Variants in CNTNAP2 observed in about 807,000 individuals in gnomAD.
The protein encoded by CNTNAP2 is contactin associated protein 2, also known as contactin-associated protein-like 2.
A neutral mutation model predicts 155.2 loss-of-function variants in CNTNAP2; 98 were observed. The ratio of observed to expected loss-of-function variants is 0.63; its 90% CI spans 0.54 to 0.75. The LOEUF is 0.75. Among genes scored for constraint, CNTNAP2 ranks in the 30% least tolerant of loss-of-function variants. The pLI is 0.00. For synonymous variants in CNTNAP2, 651 were observed against 631.2 expected (o/e 1.03, Z -0.47); for missense variants, 1,727 against 1,688.1 (o/e 1.02, Z -0.40).
At chr7:148,270,737 T>G (rs942456381) in intron 21 of CNTNAP2, among the ~76,000 whole-genome samples, 1 of 152,206 alleles carries the variant, frequency 6.6e-6, no homozygotes, top group African/African-American at 2.4e-5. Flanking sequence ...AGCCTAAAAG[T>G]AGGCATCTGA....
intron 8 of CNTNAP2, among the ~76,000 whole-genome samples, chr7:147,202,714 G>A (rs1471513576): frequency 5.9e-5 from 9 of 151,868 alleles, no homozygotes; most frequent in South Asian, 2.1e-4. Context: ...ACCAAACACC[G>A]CATGTTCTCA....
At chr7:147,251,559 C>T (rs949835113) in intron 8 of CNTNAP2, among the ~76,000 whole-genome samples, 2 of 152,128 alleles carry the variant, frequency 1.3e-5, no homozygotes, top group African/African-American at 4.8e-5. Flanking sequence ...AAGAGAATTA[C>T]CTCCTCTGGA....
In CNTNAP2 at chr7:146,767,871, A is replaced by T. The variant is rs374400987; in HGVS notation, c.98-6400A>T. Among the ~76,000 whole-genome samples, 90 of 152,278 alleles carry T rather than the reference A, an allele frequency of 5.9e-4. 2 individuals are homozygous for T. The South Asian group carries it at 0.018, about 30-fold the overall frequency. Reference sequence around the variant, plus strand: ...ACTGTGGGTAAGACAGGATTAAACAAGCTGCCCCAATTTATGTTGCTAGGA... The same window carrying T: ...ACTGTGGGTAAGACAGGATTAAACATGCTGCCCCAATTTATGTTGCTAGGA... On this transcript the variant is annotated intron_variant, in intron 1 of 23. Coordinates refer to ENST00000361727, the MANE Select transcript of CNTNAP2 (RefSeq NM_014141.6).
At chr7:147,893,874 G>A (rs900495131) in intron 13 of CNTNAP2, among the ~76,000 whole-genome samples, 1 of 152,224 alleles carries the variant, frequency 6.6e-6, no homozygotes, top group East Asian at 1.9e-4. Flanking sequence ...AGAACTTTAG[G>A]ACTAGTAGCC....
At chr7:147,775,694 C>T (rs536594251) in intron 13 of CNTNAP2, among the ~76,000 whole-genome samples, 1 of 151,838 alleles carries the variant, frequency 6.6e-6, no homozygotes, top group South Asian at 2.1e-4. Context: ...TATTATGAGC[C>T]TAGGCTGAAT....
At chr7:146,433,615 A>G (rs1228089773) in intron 1 of CNTNAP2, among the ~76,000 whole-genome samples, 2 of 152,146 alleles carry the variant, frequency 1.3e-5, no homozygotes, top group Non-Finnish European at 2.9e-5. Flanking sequence ...TAGTGGAGGA[A>G]TGTGGAAGAT....
chr7:147,940,830 T>A (rs1194286839), intron 14 of CNTNAP2, among the ~76,000 whole-genome samples: 2 of 152,210 alleles, frequency 1.3e-5, no homozygotes, highest in Admixed American at 1.3e-4. Context: ...TAAGCCATCA[T>A]AACCGGTCCA....
chr7:147,042,114 A>G (rs1005490863), intron 3 of CNTNAP2, among the ~76,000 whole-genome samples: 5 of 152,192 alleles, frequency 3.3e-5, no homozygotes, highest in Admixed American at 6.5e-5. Flanking sequence ...AGGATGCTCT[A>G]TTAAGTGTTA....
At chr7:147,645,793 G>T (rs1188029795) in intron 13 of CNTNAP2, among the ~76,000 whole-genome samples, 2 of 151,972 alleles carry the variant, frequency 1.3e-5, no homozygotes, top group Admixed American at 6.6e-5. Context: ...AATGAGAGAA[G>T]GATTCTGGGT....
At position 146,831,866 on chromosome 7, in the gene CNTNAP2, T is replaced by C. The variant is rs569629482; in HGVS notation, c.209-7845T>C. 3.7e-4 allele frequency among the ~76,000 whole-genome samples: 56 copies of C among 152,174 alleles called. 1 individual carries two copies. Among genetic ancestry groups the C allele is most frequent in the African/African-American group, 1.3e-3 (52 of 41,524 alleles). ...TTTCCTGTCATTAAATAATATCTGATAGTATTATATCTTCTTTCTTCTGTT... is the reference window on the plus strand; with the variant it reads ...TTTCCTGTCATTAAATAATATCTGACAGTATTATATCTTCTTTCTTCTGTT... On this transcript the variant is annotated intron_variant, in intron 2 of 23. Coordinates refer to ENST00000361727, the MANE Select transcript of CNTNAP2 (RefSeq NM_014141.6).
chr7:148,380,634 CT>C (rs59371773), intron 21 of CNTNAP2, among the ~76,000 whole-genome samples: 13 of 149,394 alleles, frequency 8.7e-5, no homozygotes, highest in East Asian at 3.9e-4. Context: ...TATTTGACTT[CT>C]TTTTTTTTTA....
At chr7:146,307,211 A>G (rs1029889229) in intron 1 of CNTNAP2, among the ~76,000 whole-genome samples, 2 of 152,192 alleles carry the variant, frequency 1.3e-5, no homozygotes, top group Admixed American at 1.3e-4. Flanking sequence ...CCAAATCATG[A>G]GTGAACTCCC....
chr7:146,769,639 A>T (rs774780135), intron 1 of CNTNAP2, among the ~76,000 whole-genome samples: 4 of 152,138 alleles, frequency 2.6e-5, no homozygotes, highest in Non-Finnish European at 5.9e-5. Context: ...CTATTCATTA[A>T]TTATATGGCA....
At chr7:147,778,357 A>G (rs1797618721) in intron 13 of CNTNAP2, among the ~76,000 whole-genome samples, 1 of 152,246 alleles carries the variant, frequency 6.6e-6, no homozygotes, top group African/African-American at 2.4e-5. Flanking sequence ...TCATCATGCT[A>G]TAGTCTTCAT....
rs778255511 is a variant in CNTNAP2, at chr7:148,337,998, GACAA to G, written c.3476-45645_3476-45642del. On this transcript the variant is annotated intron_variant, in intron 21 of 23. Transcript: ENST00000361727. The stretch of plus-strand genomic sequence containing the variant: ...TATATTAAGTAGAGTTATGAGTTTT[GACAA>G]ACAAATATATTCAGGTAGCCACCAC... 4.6e-4 allele frequency among the ~76,000 whole-genome samples: 70 copies of G among 152,136 alleles called. No homozygotes were observed. In the Middle Eastern group the frequency reaches 0.01, roughly 22 times the overall value.
At chr7:147,211,128 C>T (rs1164647726) in intron 8 of CNTNAP2, among the ~76,000 whole-genome samples, 1 of 151,218 alleles carries the variant, frequency 6.6e-6, no homozygotes, top group Middle Eastern at 3.2e-3. Flanking sequence ...GTGATGTATT[C>T]TGTATGTGTC....
At chr7:148,374,083 G>C (rs1176507582) in intron 21 of CNTNAP2, among the ~76,000 whole-genome samples, 1 of 152,160 alleles carries the variant, frequency 6.6e-6, no homozygotes, top group Non-Finnish European at 1.5e-5. Context: ...CTCCCTCTCA[G>C]TTTCTTCGTG....
intron 9 of CNTNAP2, among the ~76,000 whole-genome samples, chr7:147,343,777 T>C (rs983592780): frequency 6.6e-6 from 1 of 152,128 alleles, no homozygotes; most frequent in African/African-American, 2.4e-5. Flanking sequence ...TTCACCAGGT[T>C]AATTCTCTAT....
chr7:147,696,667 C>A (rs1285594710), intron 13 of CNTNAP2, among the ~76,000 whole-genome samples: 5 of 152,062 alleles, frequency 3.3e-5, no homozygotes, highest in African/African-American at 1.2e-4. Context: ...CTTCATTTAA[C>A]ATTTTTTTTG....
Sources: allele counts gnomAD v4.1 joint callset (sites outside exome capture counted in the v4.1 genomes callset), GRCh38; gene constraint gnomAD v4.1.1; transcripts MANE v1.5; gene names NCBI Gene and HGNC (gene_info 2026-07-23, HGNC 2026-07-21).